The following ARAP2 variants were observed in gnomAD, a reference collection of about 807,000 sequenced individuals.
The protein encoded by ARAP2 is arf-GAP with Rho-GAP domain, ANK repeat and PH domain-containing protein 2.
In ARAP2, 148 loss-of-function variants were observed where a neutral mutation model predicts 194.5. The ratio of observed to expected loss-of-function variants is 0.76; its 90% CI spans 0.67 to 0.87. The LOEUF is 0.87. Among genes scored for constraint, ARAP2 ranks in the 40% least tolerant of loss-of-function variants. The pLI is 0.00. For synonymous variants in ARAP2, 695 were observed against 683.5 expected, an observed-to-expected ratio of 1.02 and a Z score of -0.26; for missense variants, 2,128 against 1,989.7, an observed-to-expected ratio of 1.07 and a Z score of -1.32.
chr4:36,048,939 G>A (rs1259930152), intron 3 of ARAP2, among the ~76,000 whole-genome samples: 1 of 152,002 alleles, frequency 6.6e-6, no homozygotes, highest in Admixed American at 6.6e-5. Flanking sequence ...GTATCTTGTT[G>A]TGGTTGTGAT....
chr4:36,210,654 T>C lies in ARAP2; in HGVS notation c.1223A>G (p.Asp408Gly), dbSNP rs758428533. 5 of 1,613,658 alleles carry C rather than the reference T, an allele frequency of 3.1e-6. No homozygotes were observed. Among genetic ancestry groups the C allele is most frequent in the South Asian group, 2.2e-5 (2 of 91,014 alleles). ...TGAGTATTCTGATTCAGAAGCAGTG[T>C]CTATCAAAAAATTGTTTTTGTCCTC... is the stretch of plus-strand genomic sequence containing the variant. ...PREDKNNFLI[D>G]TASESEYSTV... Residue 408 changes from aspartate to glycine, a missense_variant, in exon 6 of 33, where the codon GAC becomes GGC. Transcript: ENST00000303965.
At chr4:36,059,431 C>T (rs1055719243) in intron 1 of ARAP2, among the ~76,000 whole-genome samples, 1 of 152,122 alleles carries the variant, frequency 6.6e-6, no homozygotes, top group Non-Finnish European at 1.5e-5. Flanking sequence ...CCAGCTTTGC[C>T]AATCATTAGC....
rs1038371615 is a variant in ARAP2, at chr4:36,124,967, T to G, written c.3641A>C (p.Asp1214Ala). The change falls in exon 22 of 33, where the codon GAT becomes GCT. Residue 1214 changes from aspartate to alanine, a missense_variant and splice_region_variant. Coordinates refer to ENST00000303965, the MANE Select transcript of ARAP2 (RefSeq NM_015230.4). ...AATTCTTTCCTTGTCATCTTGCGTA[T>G]CTGAAGGGGAAAAAAAAACAATCTT... ...ELYPYWISAL[D>A]TQDDKERIKK... 6.3e-7 allele frequency: 1 copy of G among 1,587,572 alleles called. No individual in the cohort carries two copies. Among genetic ancestry groups the G allele is most frequent in the Non-Finnish European group, 8.6e-7 (1 of 1,158,622 alleles).
At chr4:36,208,910 A>G (rs1046886410) in intron 6 of ARAP2, among the ~76,000 whole-genome samples, 1 of 152,192 alleles carries the variant, frequency 6.6e-6, no homozygotes, top group Non-Finnish European at 1.5e-5. Context: ...GAAAACTTAC[A>G]GCATCTAACC....
At chr4:36,214,290 T>C (rs563895185) in intron 3 of ARAP2, 132 bp downstream of exon 3, 4 of 558,620 alleles carry the variant, frequency 7.2e-6, no homozygotes, top group African/African-American at 3.9e-5. Flanking sequence ...TGAAGTACTA[T>C]GAACACTGGC....
intron 12 of ARAP2, 133 bp downstream of exon 12, chr4:36,161,332 T>A (rs1560563661): frequency 1.5e-6 from 1 of 648,344 alleles, no homozygotes; most frequent in Non-Finnish European, 2.7e-6. Context: ...ATAAGCCACT[T>A]CCATAATGTG....
intron 9 of ARAP2, among the ~76,000 whole-genome samples, chr4:36,173,384 C>A (rs1266681164): frequency 6.6e-6 from 1 of 152,020 alleles, no homozygotes; most frequent in African/African-American, 2.4e-5. Context: ...ACACACTATA[C>A]ACCTATCATT....
chr4:36,117,301 T>C (rs1721598320), intron 24 of ARAP2, among the ~76,000 whole-genome samples, 166 bp from the exon 25 acceptor site: 3 of 151,778 alleles, frequency 2.0e-5, no homozygotes, highest in South Asian at 2.1e-4. Context: ...TTTCCACATA[T>C]GGTTAAGGAC....
chr4:36,056,453 G>A (rs962607371), intron 2 of ARAP2, among the ~76,000 whole-genome samples: 1 of 152,164 alleles, frequency 6.6e-6, no homozygotes, highest in Non-Finnish European at 1.5e-5. Flanking sequence ...AGACAACTTT[G>A]TATTTTGTTA....
At chr4:36,141,599 G>A (rs1247278897) in intron 19 of ARAP2, among the ~76,000 whole-genome samples, 2 of 151,470 alleles carry the variant, frequency 1.3e-5, no homozygotes, top group African/African-American at 2.4e-5. Context: ...TCCAGTTTAG[G>A]GGGTTCTTTC....
chr4:36,042,598 C>T (rs1175236466), intron 5 of ARAP2, among the ~76,000 whole-genome samples: 1 of 152,108 alleles, frequency 6.6e-6, no homozygotes, highest in East Asian at 1.9e-4. Context: ...CTTTCTTTTA[C>T]TTCCTACACT....
At chr4:36,194,457 T>A (rs1021962919) in intron 6 of ARAP2, among the ~76,000 whole-genome samples, 15 of 152,276 alleles carry the variant, frequency 9.9e-5, no homozygotes, top group Middle Eastern at 3.4e-3. Flanking sequence ...TCTTATTTTT[T>A]AAAAAATTTA....
rs1028438947 is a variant in ARAP2, at chr4:36,077,567, C to G, written c.4608+2649G>C. The stretch of plus-strand genomic sequence containing the variant: ...AATAATTCCAAAAGCCTTATTGGCT[C>G]TACCTTCAAAATATTCCTGAATCTT... On this transcript the variant is annotated intron_variant, in intron 31 of 32. Transcript: ENST00000303965. Among the ~76,000 whole-genome samples, 6 of 152,040 alleles carry G rather than the reference C, an allele frequency of 3.9e-5. No individual in the cohort carries two copies. The South Asian group carries it at 1.2e-3, about 32-fold the overall frequency.
chr4:36,157,424 T>TA (rs1474385223), intron 15 of ARAP2: 2 of 151,418 alleles, frequency 1.3e-5, no homozygotes, highest in Non-Finnish European at 2.9e-5. Flanking sequence ...TATTATTGGT[T>TA]AGGCTGAGTA....
intron 3 of ARAP2, among the ~76,000 whole-genome samples, chr4:36,050,699 T>C (rs1298549862): frequency 6.6e-6 from 1 of 152,224 alleles, no homozygotes; most frequent in African/African-American, 2.4e-5. Context: ...TGGAATACCA[T>C]AAAATGGGAC....
intron 6 of ARAP2, among the ~76,000 whole-genome samples, chr4:36,018,093 G>C (rs1716203344): frequency 6.6e-6 from 1 of 152,056 alleles, no homozygotes. Context: ...GTTTTTCACT[G>C]TGTGACTTAA....
chr4:36,233,256 T>C (rs1199842262), intron 1 of ARAP2, among the ~76,000 whole-genome samples: 1 of 152,198 alleles, frequency 6.6e-6, no homozygotes. Flanking sequence ...GAAAGCTCCT[T>C]AATACGAAAT....
At chr4:36,087,881 A>G (rs1023953936) in intron 28 of ARAP2, among the ~76,000 whole-genome samples, 16 of 152,116 alleles carry the variant, frequency 1.1e-4, no homozygotes, top group African/African-American at 3.6e-4. Context: ...TTCTGACTCC[A>G]TCGCTTACTG....
intron 19 of ARAP2, among the ~76,000 whole-genome samples, chr4:36,137,787 A>G (rs529272455): frequency 5.3e-5 from 8 of 151,878 alleles, no homozygotes; most frequent in African/African-American, 1.4e-4. Context: ...TCAGATCTCC[A>G]TAATTTAAAA....
Sources: allele counts gnomAD v4.1 joint callset (sites outside exome capture counted in the v4.1 genomes callset), GRCh38; gene constraint gnomAD v4.1.1; transcripts MANE v1.5; gene names NCBI Gene and HGNC (gene_info 2026-07-23, HGNC 2026-07-21).